Variants in SERF2 observed in about 807,000 individuals in gnomAD.
The protein encoded by SERF2 is gastric cancer-related protein VRG107.
In SERF2, 4 loss-of-function variants were observed where a neutral mutation model predicts 10.7. That is an observed-to-expected ratio of 0.37 (90% CI 0.18 to 0.86). The LOEUF (loss-of-function observed/expected upper bound fraction) is 0.86. Among genes scored for constraint, SERF2 ranks in the 40% least tolerant of loss-of-function variants. SERF2 has a pLI of 0.43. For synonymous variants in SERF2, 26 were observed against 26.0 expected (o/e 1.00, Z 0.01); for missense variants, 47 against 79.1 (o/e 0.59, Z 1.54).
At chr15:43,778,888 A>G (rs1283807022) in intron 1 of SERF2, among the ~76,000 whole-genome samples, 1 of 152,188 alleles carries the variant, frequency 6.6e-6, no homozygotes, top group African/African-American at 2.4e-5. Context: ...GGCTGGAGTG[A>G]GACTCCATCT....
intron 2 of SERF2, among the ~76,000 whole-genome samples, chr15:43,787,055 G>C (rs2087013501): frequency 6.9e-6 from 1 of 144,714 alleles, no homozygotes; most frequent in Non-Finnish European, 1.5e-5. Context: ...CTGGAGTGCA[G>C]TGGCGCTCCA....
chr15:43,778,710 G>A (rs1031035511), intron 1 of SERF2, among the ~76,000 whole-genome samples: 1 of 150,658 alleles, frequency 6.6e-6, no homozygotes, highest in Admixed American at 6.6e-5. Context: ...GACCACCCAG[G>A]GCAACATGGT....
chr15:43,784,460 T>A (rs1331893314), intron 1 of SERF2, among the ~76,000 whole-genome samples: 1 of 152,164 alleles, frequency 6.6e-6, no homozygotes. Context: ...TTATTTATTT[T>A]AATTAATTAA....
chr15:43,792,194 C>T (rs564739612), upstream of SERF2: 5 of 633,286 alleles, frequency 7.9e-6, no homozygotes, highest in Non-Finnish European at 1.4e-5. Flanking sequence ...ACTTACCCAC[C>T]CCGGCTCAAG....
chr15:43,795,574 C>T lies in SERF2; in HGVS notation c.*1801C>T, dbSNP rs746775911. On this transcript the variant is annotated 3_prime_UTR_variant, in exon 3 of 3. Transcript: ENST00000249786. ...GAGGAAATGGCTGCTGGGAGCAGAG[C>T]TGCTGAAACACCTCTTCCCCTCTCC... The T allele has an allele frequency of 3.1e-6, 5 of 1,613,526 alleles. No homozygotes were observed. Among genetic ancestry groups the T allele is most frequent in the Non-Finnish European group, 4.2e-6 (5 of 1,179,674 alleles).
chr15:43,786,056 G>C (rs1438376248), intron 2 of SERF2, among the ~76,000 whole-genome samples: 1 of 151,546 alleles, frequency 6.6e-6, no homozygotes, highest in Non-Finnish European at 1.5e-5. Flanking sequence ...TTTTATGTTA[G>C]GACTGTTTTC....
intron 1 of SERF2, among the ~76,000 whole-genome samples, chr15:43,779,116 G>A (rs1020062329): frequency 6.6e-6 from 1 of 152,190 alleles, no homozygotes; most frequent in Non-Finnish European, 1.5e-5. Flanking sequence ...TTCAGGATTA[G>A]CTAAAGCCTA....
chr15:43,794,119 A>T lies in SERF2; in HGVS notation c.*346A>T, dbSNP rs577848609. 2.5e-4 allele frequency: 178 copies of T among 711,476 alleles called. No homozygotes were observed. The highest frequency in any genetic ancestry group is 3.8e-4 in the Non-Finnish European group (168 of 443,916). The allele number at this position is 711,476 out of a possible 1,614,324, so 44.1% of individuals were successfully genotyped here. A position where few individuals can be genotyped will look rare whatever the true frequency, so the allele number is the denominator to read the frequency against. On this transcript the variant is annotated 3_prime_UTR_variant, in exon 3 of 3. Transcript: ENST00000249786. ...AATGACTGCCCTTTCCCACCAAAAA[A>T]GGGAGAACTCTTTAGATTCAGATTG...
Position 43,794,769 on chromosome 15 carries a change from T to C in SERF2, c.*996T>C. ...TGGTTCTTTGAGCTGCTGATTTGGG[T>C]GTTAGGCTCTTGAGCTGGGATGCAG... On this transcript the variant is annotated 3_prime_UTR_variant, in exon 3 of 3. Coordinates refer to ENST00000249786, the MANE Select transcript of SERF2 (RefSeq NM_001018108.4). 2.0e-6 allele frequency: 1 copy of C among 494,344 alleles called. No individual in the cohort carries two copies. The highest frequency in any genetic ancestry group is 1.9e-5 in the African/African-American group (1 of 52,570). 30.6% of individuals were successfully genotyped at this position (494,344 alleles called of 1,614,324 possible). A position where few individuals can be genotyped will look rare whatever the true frequency, so the allele number is the denominator to read the frequency against.
rs1052481056 is a variant in SERF2, at chr15:43,785,641, C to A, written c.-402+107C>A. ...AATACTATTTATAGTCCTGTGTCTC[C>A]GATTTTCTTGTGATCTTGCAACTGA... is the stretch of plus-strand genomic sequence containing the variant. On this transcript the variant is annotated intron_variant, in intron 2 of 4. Transcript: ENST00000381359. The A allele has an allele frequency of 3.3e-5, 5 of 151,524 alleles. No homozygotes were observed. The Admixed American group carries it at 3.3e-4, about 10-fold the overall frequency. 9.4% of individuals were successfully genotyped at this position (151,524 alleles called of 1,614,324 possible).
At position 43,793,899 on chromosome 15, in the gene SERF2, G is replaced by C. The variant is rs756934168; in HGVS notation, c.*126G>C. The C allele has an allele frequency of 6.3e-7, 1 of 1,590,094 alleles. No individual in the cohort carries two copies. The highest frequency in any genetic ancestry group is 1.3e-5 in the African/African-American group (1 of 74,560). On this transcript the variant is annotated 3_prime_UTR_variant, in exon 3 of 3. Transcript: ENST00000249786. ...ACCGATGGCATTCCCTTTGCCCTGA[G>C]TCTGCAGCGGGTCCCTTTTGTGCTT...
upstream of SERF2, among the ~76,000 whole-genome samples, chr15:43,790,169 C>T (rs1399850214): frequency 6.7e-6 from 1 of 149,762 alleles, no homozygotes; most frequent in Non-Finnish European, 1.5e-5. Context: ...ATTATCCGGG[C>T]GTGGTGGCGG....
chr15:43,784,600 C>T (rs2086990282), intron 1 of SERF2, among the ~76,000 whole-genome samples: 1 of 151,910 alleles, frequency 6.6e-6, no homozygotes, highest in African/African-American at 2.4e-5. Flanking sequence ...TCCCGAGTAG[C>T]TGGGACTACA....
intron 2 of SERF2, 95 bp from the exon 3 acceptor site, chr15:43,793,615 C>T (rs1487606313): frequency 1.2e-6 from 2 of 1,608,008 alleles, no homozygotes; most frequent in Non-Finnish European, 1.7e-6. Context: ...TTAGTCCCAT[C>T]CACTTCCATC....
chr15:43,790,626 G>A (rs1037020336), upstream of SERF2, among the ~76,000 whole-genome samples: 6 of 151,886 alleles, frequency 4.0e-5, no homozygotes, highest in African/African-American at 7.3e-5. Context: ...AAAATTAGCC[G>A]GGCATGATGG....
intron 1 of SERF2, chr15:43,792,751 G>T: frequency 1.3e-6 from 1 of 782,724 alleles, no homozygotes; most frequent in South Asian, 1.9e-5. Flanking sequence ...CACGCCTCCA[G>T]CTGGCCCCTT....
At position 43,794,753 on chromosome 15, in the gene SERF2, G is replaced by A; in HGVS notation, c.*980G>A. 6.4e-6 allele frequency: 3 copies of A among 466,490 alleles called. No individual in the cohort carries two copies. The highest frequency in any genetic ancestry group is 6.6e-5 in the South Asian group (2 of 30,206). 28.9% of individuals were successfully genotyped at this position (466,490 alleles called of 1,614,324 possible). On this transcript the variant is annotated 3_prime_UTR_variant, in exon 3 of 3. Transcript: ENST00000249786. ...CTGCTGGGATCAGCGGTGGTTCTTTGAGCTGCTGATTTGGGTGTTAGGCTC... is the reference window on the plus strand; with the variant it reads ...CTGCTGGGATCAGCGGTGGTTCTTTAAGCTGCTGATTTGGGTGTTAGGCTC...
At chr15:43,781,944 A>G (rs1421177842) in intron 1 of SERF2, among the ~76,000 whole-genome samples, 2 of 149,676 alleles carry the variant, frequency 1.3e-5, no homozygotes, top group Non-Finnish European at 3.0e-5. Context: ...GCTGGACTGC[A>G]GTGGTGCGAT....
At chr15:43,789,268 AC>A (rs1171384474), upstream of SERF2, among the ~76,000 whole-genome samples, 1 of 152,046 alleles carries the variant, frequency 6.6e-6, no homozygotes, top group African/African-American at 2.4e-5. Context: ...TCCCTATCTG[AC>A]CTAGTTTCAC....
Sources: gnomAD v4.1 joint callset for allele counts (sites outside exome capture counted in the v4.1 genomes callset) on GRCh38, gnomAD v4.1.1 for gene constraint, MANE v1.5 for transcripts, NCBI Gene and HGNC (gene_info 2026-07-23, HGNC 2026-07-21) for gene names.